Variants in NALF1 observed in about 807,000 individuals in gnomAD.
NALF1 encodes family with sequence similarity 155 member A.
Under a neutral mutation model 48.4 loss-of-function variants are expected in NALF1, and 3 were observed. The ratio of observed to expected loss-of-function variants is 0.06; its 90% CI spans 0.03 to 0.16. NALF1 has a LOEUF of 0.16. Ranked by LOEUF, NALF1 falls within the 10% of genes least tolerant of loss-of-function variation. The pLI is 1.00. For synonymous variants in NALF1, 262 were observed against 245.7 expected (o/e 1.07, Z -0.62); for missense variants, 526 against 571.5 (o/e 0.92, Z 0.81).
chr13:107,252,785 T>C (rs1566464759), intron 1 of NALF1, among the ~76,000 whole-genome samples: 1 of 152,220 alleles, frequency 6.6e-6, no homozygotes, highest in Non-Finnish European at 1.5e-5. Flanking sequence ...TTTCTAAATA[T>C]ATCTCAAACT....
chr13:107,658,460 C>T (rs1880641923), intron 1 of NALF1, among the ~76,000 whole-genome samples: 2 of 151,928 alleles, frequency 1.3e-5, no homozygotes, highest in South Asian at 4.1e-4. Context: ...CAATTATCAA[C>T]ACTCTGTACC....
chr13:107,250,585 G>A (rs953071027), intron 1 of NALF1, among the ~76,000 whole-genome samples: 3 of 152,132 alleles, frequency 2.0e-5, no homozygotes, highest in African/African-American at 7.2e-5. Context: ...CTTCTTTGCT[G>A]TAATTTTCAG....
In NALF1 at chr13:107,168,867, C is replaced by CTT. The variant is rs1444695175; in HGVS notation, c.*1628_*1629dup. 9 of 152,552 alleles carry CTT rather than the reference C, an allele frequency of 5.9e-5. No individual in the cohort carries two copies. The highest frequency in any genetic ancestry group is 2.2e-4 in the African/African-American group (9 of 41,430). The allele number at this position is 152,552 out of a possible 1,614,324, so 9.4% of individuals were successfully genotyped here. A position where few individuals can be genotyped will look rare whatever the true frequency, so the allele number is the denominator to read the frequency against. On this transcript the variant is annotated 3_prime_UTR_variant, in exon 3 of 3. Transcript: ENST00000375915. ...ACTAAATTTTGTTCACTAAGAGGAC[C>CTT]TTTTCTATGGATTTCCTTCATCTCT...
At chr13:107,217,155 G>A (rs1879890367) in intron 1 of NALF1, among the ~76,000 whole-genome samples, 1 of 152,074 alleles carries the variant, frequency 6.6e-6, no homozygotes, top group African/African-American at 2.4e-5. Context: ...TTTGGCCTCA[G>A]CTCGAACCAC....
intron 2 of NALF1, among the ~76,000 whole-genome samples, chr13:107,202,619 T>C (rs1035178382): frequency 6.6e-6 from 1 of 151,826 alleles, no homozygotes; most frequent in African/African-American, 2.4e-5. Flanking sequence ...GACAGTCTTC[T>C]TTTCTTTATT....
intron 1 of NALF1, among the ~76,000 whole-genome samples, chr13:107,586,406 G>A (rs1317613907): frequency 1.3e-5 from 2 of 152,004 alleles, no homozygotes; most frequent in Admixed American, 6.6e-5. Context: ...TGCATGTGAC[G>A]GCCCTGTGAT....
intron 1 of NALF1, among the ~76,000 whole-genome samples, chr13:107,311,831 T>G (rs1041538444): frequency 2.0e-5 from 3 of 152,140 alleles, no homozygotes; most frequent in Admixed American, 6.5e-5. Flanking sequence ...ATGCTCATCA[T>G]CACTGGCCAT....
Position 107,208,351 on chromosome 13 carries a change from G to A in NALF1, c.1087+2233C>T, listed in dbSNP as rs189230918. ...ATGACGTAGCTATGTCTATGAAGAA[G>A]CTGTTTTTACCAAACTCGAAAACAA... On this transcript the variant is annotated intron_variant, in intron 2 of 2. Coordinates refer to ENST00000375915, the MANE Select transcript of NALF1 (RefSeq NM_001080396.3). Among the ~76,000 whole-genome samples, 206 of 152,256 alleles carry A rather than the reference G, an allele frequency of 1.4e-3. 1 individual carries two copies. The highest frequency in any genetic ancestry group is 3.4e-3 in the Middle Eastern group (1 of 294).
chr13:107,175,433 T>C (rs1878907606), intron 2 of NALF1, among the ~76,000 whole-genome samples: 1 of 152,174 alleles, frequency 6.6e-6, no homozygotes, highest in Non-Finnish European at 1.5e-5. Context: ...TTTTCTAAGT[T>C]TCAGCAAATC....
At chr13:107,786,101 G>A (rs1308802856) in intron 1 of NALF1, among the ~76,000 whole-genome samples, 3 of 152,092 alleles carry the variant, frequency 2.0e-5, no homozygotes, top group African/African-American at 7.2e-5. Context: ...CCAGGACAAG[G>A]AACCCTCACA....
intron 1 of NALF1, among the ~76,000 whole-genome samples, chr13:107,438,790 T>C (rs1318748106): frequency 1.7e-5 from 2 of 116,000 alleles, no homozygotes; most frequent in Non-Finnish European, 1.6e-5. Flanking sequence ...ATCATACCAC[T>C]GCACTCCAGC....
chr13:107,213,230 CAAAAAAAA>C (rs386380636), intron 1 of NALF1, among the ~76,000 whole-genome samples: 9 of 103,368 alleles, frequency 8.7e-5, no homozygotes, highest in Admixed American at 1.3e-4. Context: ...TTTTTTAACT[CAAAAAAAA>C]AAAAAAAAAA....
rs1566512512 is a variant in NALF1, at chr13:107,867,278, C to G, written c.-682G>C. ...CTCCGGCGGGGCGCTCCCTCCCCCC[C>G]ACCCCCCACCCCGCGCTCTAAGTGC... On this transcript the variant is annotated 5_prime_UTR_variant, in exon 1 of 3. Coordinates refer to ENST00000375915, the MANE Select transcript of NALF1 (RefSeq NM_001080396.3). The surrounding 1 kb of genome is among the most constrained non-coding windows in gnomAD (Gnocchi z 4.4). Among the ~76,000 whole-genome samples the G allele has an allele frequency of 9.4e-6, 1 of 106,152 alleles. No individual in the cohort carries two copies. The highest frequency in any genetic ancestry group is 4.0e-4 in the South Asian group (1 of 2,488). 69.6% of individuals were successfully genotyped at this position (106,152 alleles called of 152,430 possible).
chr13:107,564,842 G>A (rs181406753), intron 1 of NALF1, among the ~76,000 whole-genome samples: 17 of 151,948 alleles, frequency 1.1e-4, no homozygotes, highest in East Asian at 3.9e-4. Context: ...TTCACCCTCC[G>A]GTCTAAGAGC....
intron 1 of NALF1, among the ~76,000 whole-genome samples, chr13:107,852,673 A>C (rs1473514347): frequency 6.6e-6 from 1 of 152,228 alleles, no homozygotes; most frequent in East Asian, 1.9e-4. Context: ...GGCAACCGAG[A>C]AAATGGTCCT....
chr13:107,569,336 G>C (rs1370050970), intron 1 of NALF1, among the ~76,000 whole-genome samples: 1 of 152,098 alleles, frequency 6.6e-6, no homozygotes, highest in East Asian at 1.9e-4. Flanking sequence ...GCCAGGCGTG[G>C]TGGTGGGTGC....
At position 107,695,802 on chromosome 13, in the gene NALF1, C is replaced by T. The variant is rs553345845; in HGVS notation, c.915+169880G>A. On this transcript the variant is annotated intron_variant, in intron 1 of 2. Coordinates refer to ENST00000375915, the MANE Select transcript of NALF1 (RefSeq NM_001080396.3). The stretch of plus-strand genomic sequence containing the variant: ...CTTTATCAAAAGCATAAATAAGATG[C>T]AGTTTTCAGCACACTGCCTGGTTCA... 2.6e-5 allele frequency among the ~76,000 whole-genome samples: 4 copies of T among 152,194 alleles called. No individual in the cohort carries two copies. The South Asian group carries it at 8.3e-4, about 32-fold the overall frequency.
chr13:107,831,526 A>T (rs1303297670), intron 1 of NALF1, among the ~76,000 whole-genome samples: 1 of 152,102 alleles, frequency 6.6e-6, no homozygotes, highest in African/African-American at 2.4e-5. Flanking sequence ...ATTTTTCTTA[A>T]AAAAAGAAAA....
intron 1 of NALF1, among the ~76,000 whole-genome samples, chr13:107,838,254 C>T (rs1041278211): frequency 3.9e-5 from 6 of 152,172 alleles, no homozygotes; most frequent in South Asian, 4.1e-4. Context: ...GAAAAGCACC[C>T]TCAGACCCAA....
Sources: gnomAD v4.1 joint callset for allele counts (sites outside exome capture counted in the v4.1 genomes callset) on GRCh38, gnomAD v4.1.1 for gene constraint, Gnocchi (gnomAD v3.1) non-coding constraint, MANE v1.5 for transcripts, NCBI Gene and HGNC (gene_info 2026-07-23, HGNC 2026-07-21) for gene names.